DOCK4: variants seen among roughly 807,000 people sequenced by gnomAD.
DOCK4 encodes the protein dedicator of cytokinesis 4, also known as dedicator of cytokinesis protein 4.
Under a neutral mutation model 268.1 loss-of-function variants are expected in DOCK4, and 97 were observed. The ratio of observed to expected loss-of-function variants is 0.36; its 90% confidence interval spans 0.31 to 0.43. The LOEUF is 0.43. DOCK4 is among the 20% of genes least tolerant of loss of function. DOCK4 has a pLI of 1.00. For missense variants in DOCK4, 2,145 were observed against 2,455.7 expected, an observed-to-expected ratio of 0.87 and a Z score of 2.67; for synonymous variants, 954 against 887.2, an observed-to-expected ratio of 1.08 and a Z score of -1.34.
chr7:111,955,152 A>C (rs147806715), intron 8 of DOCK4, among the ~76,000 whole-genome samples: 261 of 152,324 alleles, frequency 1.7e-3, no homozygotes, highest in African/African-American at 5.7e-3. Flanking sequence ...GAGAACACAA[A>C]TGACAGAGTT....
At chr7:111,769,849 C>T (rs1482658370) in intron 36 of DOCK4, among the ~76,000 whole-genome samples, 172 bp from the exon 37 acceptor site, 3 of 152,048 alleles carry the variant, frequency 2.0e-5, no homozygotes, top group Non-Finnish European at 1.5e-5. Context: ...CGAGGACTTC[C>T]CCTGGATGAT....
At chr7:111,946,739 G>A (rs374060773) in intron 8 of DOCK4, among the ~76,000 whole-genome samples, 1 of 152,020 alleles carries the variant, frequency 6.6e-6, no homozygotes, top group South Asian at 2.1e-4. Context: ...ACACCACCAC[G>A]CCTGGCTAAT....
chr7:111,769,400 T>C, intron 37 of DOCK4, 129 bp downstream of exon 37: 2 of 1,184,680 alleles, frequency 1.7e-6, no homozygotes, highest in Non-Finnish European at 2.4e-6. Context: ...TTTTGGGTGT[T>C]TCTAATATAC....
At chr7:111,860,766 G>A (rs10085418) in intron 23 of DOCK4, among the ~76,000 whole-genome samples, 16,101 of 152,032 alleles carry the variant, frequency 0.11, 1,090 homozygotes, top group African/African-American at 0.18. Flanking sequence ...CAATTCCCAC[G>A]GGACCCAACA....
intron 1 of DOCK4, among the ~76,000 whole-genome samples, chr7:112,007,664 T>G (rs1800966260): frequency 6.6e-6 from 1 of 152,032 alleles, no homozygotes; most frequent in Admixed American, 6.6e-5. Flanking sequence ...AGCGAAGAAT[T>G]TGAAAATATG....
intron 10 of DOCK4, among the ~76,000 whole-genome samples, chr7:111,942,885 G>T (rs1795322286): frequency 6.6e-6 from 1 of 152,146 alleles, no homozygotes; most frequent in African/African-American, 2.4e-5. Context: ...CCACCTGTGA[G>T]AGGCACCCTT....
chr7:111,729,172 T>G (rs188183163), intron 52 of DOCK4, among the ~76,000 whole-genome samples: 1 of 152,310 alleles, frequency 6.6e-6, no homozygotes, highest in East Asian at 1.9e-4. Context: ...TTGTCCTTTG[T>G]AGCACTGAAA....
intron 13 of DOCK4, among the ~76,000 whole-genome samples, chr7:111,914,225 T>C (rs1562880120): frequency 1.3e-5 from 2 of 152,096 alleles, no homozygotes; most frequent in Non-Finnish European, 2.9e-5. Flanking sequence ...CCATCTCCAC[T>C]GCTAACACCT....
chr7:111,809,180 C>T, intron 29 of DOCK4, 121 bp downstream of exon 29: 1 of 818,264 alleles, frequency 1.2e-6, no homozygotes, highest in Non-Finnish European at 1.9e-6. Context: ...CTTCTTGACC[C>T]CTTGGTCACT....
intron 12 of DOCK4, among the ~76,000 whole-genome samples, chr7:111,919,187 G>C (rs962255904): frequency 5.3e-5 from 8 of 152,044 alleles, no homozygotes; most frequent in Non-Finnish European, 8.8e-5. Context: ...ACTTTACAGA[G>C]GATAAGACAA....
At chr7:112,066,653 C>T (rs13312199) in intron 1 of DOCK4, among the ~76,000 whole-genome samples, 1 of 114,350 alleles carries the variant, frequency 8.7e-6, no homozygotes, top group Non-Finnish European at 1.7e-5. Context: ...TACATATATA[C>T]ACATATTATA....
intron 49 of DOCK4, among the ~76,000 whole-genome samples, chr7:111,738,796 T>C (rs192760972): frequency 5.9e-5 from 9 of 152,180 alleles, no homozygotes; most frequent in African/African-American, 1.9e-4. Flanking sequence ...AAATTAGCCA[T>C]GTGTGGTGGT....
At chr7:112,200,169 T>C (rs965153079) in intron 1 of DOCK4, among the ~76,000 whole-genome samples, 1 of 152,138 alleles carries the variant, frequency 6.6e-6, no homozygotes, top group African/African-American at 2.4e-5. Context: ...AAACTGTGGG[T>C]CAGGACCCAT....
chr7:111,756,957 G>T (rs1167164382), intron 41 of DOCK4, among the ~76,000 whole-genome samples: 3 of 152,116 alleles, frequency 2.0e-5, no homozygotes, highest in Middle Eastern at 3.2e-3. Context: ...ACGCCAGCCT[G>T]CGGGAGGAGG....
At chr7:111,864,820 A>G (rs987106570) in intron 22 of DOCK4, among the ~76,000 whole-genome samples, 6 of 152,230 alleles carry the variant, frequency 3.9e-5, no homozygotes, top group Non-Finnish European at 7.3e-5. Flanking sequence ...AAATAAAATG[A>G]GCCCAGCTTT....
At chr7:111,951,393 G>A (rs1270781365) in intron 8 of DOCK4, among the ~76,000 whole-genome samples, 3 of 152,052 alleles carry the variant, frequency 2.0e-5, no homozygotes, top group African/African-American at 7.2e-5. Flanking sequence ...TAGATAAGTT[G>A]GCCAAAGTTG....
At chr7:112,197,881 T>C (rs764732317) in intron 1 of DOCK4, among the ~76,000 whole-genome samples, 3 of 151,132 alleles carry the variant, frequency 2.0e-5, no homozygotes, top group African/African-American at 7.3e-5. Flanking sequence ...ATCACCTGAA[T>C]GTTTTGCAGG....
chr7:111,759,638 T>G (rs1049550310), intron 40 of DOCK4, among the ~76,000 whole-genome samples: 1 of 152,002 alleles, frequency 6.6e-6, no homozygotes, highest in African/African-American at 2.4e-5. Context: ...CCTATATAAT[T>G]TCAGCTCAGT....
intron 13 of DOCK4, among the ~76,000 whole-genome samples, chr7:111,907,406 C>T: frequency 6.6e-6 from 1 of 152,120 alleles, no homozygotes; most frequent in Middle Eastern, 3.2e-3. Flanking sequence ...CTGTTGCCAT[C>T]CCACTCTGAG....
Sources: allele counts gnomAD v4.1 joint callset (sites outside exome capture counted in the v4.1 genomes callset), GRCh38; gene constraint gnomAD v4.1.1; transcripts MANE v1.5; gene names NCBI Gene and HGNC (gene_info 2026-07-23, HGNC 2026-07-21).